Variants in EEF2K observed in about 807,000 individuals in gnomAD.
EEF2K encodes eukaryotic elongation factor 2 kinase.
EEF2K carries 70 observed loss-of-function variants against 93.8 expected under a neutral mutation model. That is an observed-to-expected ratio of 0.75 (90% confidence interval 0.62 to 0.91). The LOEUF is 0.91. EEF2K is among the 40% of genes least tolerant of loss of function. The pLI, the probability that EEF2K is intolerant of heterozygous loss-of-function variation, is 0.00. For missense variants in EEF2K, 935 were observed against 972.9 expected, an observed-to-expected ratio of 0.96 and a Z score of 0.52; for synonymous variants, 376 against 380.8, an observed-to-expected ratio of 0.99 and a Z score of 0.15.
intron 4 of EEF2K, among the ~76,000 whole-genome samples, chr16:22,249,617 T>C (rs940417312): frequency 6.6e-6 from 1 of 152,058 alleles, no homozygotes; most frequent in Non-Finnish European, 1.5e-5. Flanking sequence ...ACAGGTATTC[T>C]TTTTTAGAGA....
At position 22,257,246 on chromosome 16, in the gene EEF2K, C is replaced by T; in HGVS notation, c.769-7C>T. 6.2e-7 allele frequency: 1 copy of T among 1,614,162 alleles called. No individual in the cohort carries two copies. Among genetic ancestry groups the T allele is most frequent in the African/African-American group, 1.3e-5 (1 of 75,054 alleles). On this transcript the variant is annotated splice_polypyrimidine_tract_variant and splice_region_variant and intron_variant, in intron 7 of 17. Transcript: ENST00000263026. ...TGACATCTCGTTTTCCTTCCTGTCC[C>T]CTGTAGGCCTTCAGCCACTTCACTT...
intron 1 of EEF2K, among the ~76,000 whole-genome samples, chr16:22,216,332 A>G (rs2046957479): frequency 6.6e-6 from 1 of 152,178 alleles, no homozygotes; most frequent in East Asian, 1.9e-4. Context: ...AGCTCCTGTC[A>G]TTGTCAGAGG....
chr16:22,273,965 G>A (rs956964088), intron 16 of EEF2K, among the ~76,000 whole-genome samples: 3 of 152,222 alleles, frequency 2.0e-5, no homozygotes, highest in Non-Finnish European at 4.4e-5. Flanking sequence ...GTCCCATGAA[G>A]GGTAAACGAG....
At position 22,249,587 on chromosome 16, in the gene EEF2K, C is replaced by T. The variant is rs569590162; in HGVS notation, c.408+772C>T. Among the ~76,000 whole-genome samples, 71 of 151,904 alleles carry T rather than the reference C, an allele frequency of 4.7e-4. 1 individual carries two copies. Among genetic ancestry groups the T allele is most frequent in the Non-Finnish European group, 7.4e-4 (50 of 67,982 alleles). ...ATTACTTTTGCCTATTTTTTTGCTTCATATAAGTGGGGGCATACAACAGGT... is the reference window on the plus strand; with the variant it reads ...ATTACTTTTGCCTATTTTTTTGCTTTATATAAGTGGGGGCATACAACAGGT... On this transcript the variant is annotated intron_variant, in intron 4 of 17. Transcript: ENST00000263026.
Position 22,260,536 on chromosome 16 carries a change from G to A in EEF2K, c.1299+7G>A, listed in dbSNP as rs1357523386. 1.1e-5 allele frequency: 17 copies of A among 1,614,052 alleles called. No individual in the cohort carries two copies. The highest frequency in any genetic ancestry group is 2.2e-5 in the East Asian group (1 of 44,892). ...TCATCTAGACAACCACCGGGTGAGTGTGAAGGGAGGGAGGCTGCAGGCTTC... is the reference window on the plus strand; with the variant it reads ...TCATCTAGACAACCACCGGGTGAGTATGAAGGGAGGGAGGCTGCAGGCTTC... On this transcript the variant is annotated splice_region_variant and intron_variant, in intron 11 of 17. Transcript: ENST00000263026.
At chr16:22,241,523 T>G (rs2047221658) in intron 2 of EEF2K, among the ~76,000 whole-genome samples, 1 of 148,486 alleles carries the variant, frequency 6.7e-6, no homozygotes, top group Non-Finnish European at 1.5e-5. Flanking sequence ...CTCACGCCTG[T>G]AATCCCAGCT....
chr16:22,262,001 C>CCACACACACACA lies in EEF2K; in HGVS notation c.1300-1084_1300-1073dup, dbSNP rs71151667. Among the ~76,000 whole-genome samples the CCACACACACACA allele has an allele frequency of 4.4e-3, 608 of 138,078 alleles. 1 individual carries two copies. The highest frequency in any genetic ancestry group is 0.015 in the African/African-American group (567 of 37,340). 90.6% of individuals were successfully genotyped at this position (138,078 alleles called of 152,430 possible). On this transcript the variant is annotated intron_variant, in intron 11 of 17. Transcript: ENST00000263026. ...GCCTGGGTGACAACGTGAGACCCTG[C>CCACACACACACA]CACACACACACACACACACACACAC...
Position 22,266,374 on chromosome 16 carries a change from G to A in EEF2K, c.1441-16G>A, listed in dbSNP as rs1335409863. On this transcript the variant is annotated splice_polypyrimidine_tract_variant and intron_variant, in intron 13 of 17. Transcript: ENST00000263026. The stretch of plus-strand genomic sequence containing the variant: ...CCCCCAGCCCCTCGCTTCCCTGGCC[G>A]GTTCTTTCCCTTCAGGTATGTGTAG... The A allele has an allele frequency of 1.1e-5, 17 of 1,609,188 alleles. 1 individual carries two copies. The highest frequency in any genetic ancestry group is 2.2e-5 in the East Asian group (1 of 44,788).
intron 2 of EEF2K, among the ~76,000 whole-genome samples, chr16:22,235,729 G>A (rs1039679904): frequency 1.3e-5 from 2 of 152,110 alleles, no homozygotes; most frequent in South Asian, 2.1e-4. Flanking sequence ...AACTCCTGAC[G>A]TCAGGTGATC....
rs1046230014 is a variant in EEF2K at position 22,286,420 on chromosome 16, C to T, written c.*2424C>T. ...AAATAATTTGTGTTCCCTGATCACT[C>T]GTTTAAGTTCTTAGTTGTATGTCAT... is the stretch of plus-strand genomic sequence containing the variant. On this transcript the variant is annotated 3_prime_UTR_variant, in exon 18 of 18. Transcript: ENST00000263026. The T allele has an allele frequency of 2.6e-5, 4 of 152,146 alleles. No homozygotes were observed. Among genetic ancestry groups the T allele is most frequent in the Admixed American group, 1.3e-4 (2 of 15,272 alleles). The allele number at this position is 152,146 out of a possible 1,614,324, so 9.4% of individuals were successfully genotyped here. A position where few individuals can be genotyped will look rare whatever the true frequency, so the allele number is the denominator to read the frequency against.
intron 2 of EEF2K, among the ~76,000 whole-genome samples, chr16:22,230,468 C>T (rs146762133): frequency 0.089 from 13,474 of 152,156 alleles, 831 homozygotes; most frequent in East Asian, 0.3. Context: ...CCCGCCTCAG[C>T]TTCCCAAAGT....
Position 22,261,989 on chromosome 16 carries a change from C to T in EEF2K, c.1300-1121C>T, listed in dbSNP as rs370980719. 2.1e-4 allele frequency among the ~76,000 whole-genome samples: 30 copies of T among 141,156 alleles called. No individual in the cohort carries two copies. In the East Asian group the frequency reaches 6.3e-3, roughly 30 times the overall value. 92.6% of individuals were successfully genotyped at this position (141,156 alleles called of 152,430 possible). A position where few individuals can be genotyped will look rare whatever the true frequency, so the allele number is the denominator to read the frequency against. ...CACTGCACTACAGCCTGGGTGACAACGTGAGACCCTGCCACACACACACAC... is the reference window on the plus strand; with the variant it reads ...CACTGCACTACAGCCTGGGTGACAATGTGAGACCCTGCCACACACACACAC... On this transcript the variant is annotated intron_variant, in intron 11 of 17. Coordinates refer to ENST00000263026, the MANE Select transcript of EEF2K (RefSeq NM_013302.5).
At chr16:22,228,765 G>A (rs1204393595) in intron 2 of EEF2K, among the ~76,000 whole-genome samples, 2 of 152,134 alleles carry the variant, frequency 1.3e-5, no homozygotes, top group East Asian at 3.8e-4. Context: ...TGGACAGCTC[G>A]AGCTTCGGGG....
chr16:22,214,794 G>T (rs764587329), intron 1 of EEF2K, among the ~76,000 whole-genome samples: 37 of 152,218 alleles, frequency 2.4e-4, no homozygotes, highest in Non-Finnish European at 5.9e-5. Context: ...CCAGGCAGAG[G>T]TGTTACTGGT....
intron 1 of EEF2K, among the ~76,000 whole-genome samples, chr16:22,217,232 G>GAT (rs2046966927): frequency 7.4e-6 from 1 of 135,590 alleles, no homozygotes; most frequent in African/African-American, 2.9e-5. Flanking sequence ...GATAGATAGA[G>GAT]AGAGAGAGAG....
intron 6 of EEF2K, among the ~76,000 whole-genome samples, chr16:22,256,284 A>G (rs2047397627): frequency 6.6e-6 from 1 of 151,944 alleles, no homozygotes. Context: ...TTTGGTAGAG[A>G]CAGGGTTTCA....
rs1306214310 is a variant in EEF2K at position 22,286,400 on chromosome 16, ATT to A, written c.*2406_*2407del. 2 of 152,220 alleles carry A rather than the reference ATT, an allele frequency of 1.3e-5. No individual in the cohort carries two copies. Among genetic ancestry groups the A allele is most frequent in the Non-Finnish European group, 2.9e-5 (2 of 68,044 alleles). The allele number at this position is 152,220 out of a possible 1,614,324, so 9.4% of individuals were successfully genotyped here. A position where few individuals can be genotyped will look rare whatever the true frequency, so the allele number is the denominator to read the frequency against. ...TCTCTGAAATTTTATTATGTAAATA[ATT>A]TGTGTTCCCTGATCACTCGTTTAAG... On this transcript the variant is annotated 3_prime_UTR_variant, in exon 18 of 18. Coordinates refer to ENST00000263026, the MANE Select transcript of EEF2K (RefSeq NM_013302.5).
Position 22,267,812 on chromosome 16 carries a change from C to G in EEF2K, c.1764+936C>G, listed in dbSNP as rs374677588. ...AGGGTGTGGACCTGCAGGGAAATTGCGTAGGAGCCTGCTGCTGCTTCTGTC... is the reference window on the plus strand; with the variant it reads ...AGGGTGTGGACCTGCAGGGAAATTGGGTAGGAGCCTGCTGCTGCTTCTGTC... On this transcript the variant is annotated intron_variant, in intron 15 of 17. Transcript: ENST00000263026. Among the ~76,000 whole-genome samples, 6 of 152,242 alleles carry G rather than the reference C, an allele frequency of 3.9e-5. No homozygotes were observed. The East Asian group carries it at 5.8e-4, about 15-fold the overall frequency.
chr16:22,260,429 A>T, intron 10 of EEF2K, 33 bp from the exon 11 acceptor site: 9 of 1,613,764 alleles, frequency 5.6e-6, no homozygotes, highest in Non-Finnish European at 7.6e-6. Flanking sequence ...CAGTAGTGGA[A>T]CCAGGACATG....
Sources: allele counts gnomAD v4.1 joint callset (sites outside exome capture counted in the v4.1 genomes callset), GRCh38; gene constraint gnomAD v4.1.1; transcripts MANE v1.5; gene names NCBI Gene and HGNC (gene_info 2026-07-23, HGNC 2026-07-21).